The following DCAF4 variants were observed in gnomAD, a reference collection of about 807,000 sequenced individuals.
DCAF4 encodes DDB1- and CUL4-associated factor 4.
In DCAF4, 37 loss-of-function variants were observed where a neutral mutation model predicts 60.9. The ratio of observed to expected loss-of-function variants is 0.61; its 90% CI spans 0.47 to 0.80. The LOEUF (loss-of-function observed/expected upper bound fraction) is 0.80. DCAF4 is among the 30% of genes least tolerant of loss of function. DCAF4 has a pLI of 0.00. For missense variants in DCAF4, 577 were observed against 650.0 expected (o/e 0.89, Z 1.22); for synonymous variants, 243 against 254.8 (o/e 0.95, Z 0.44).
chr14:72,930,254 T>TTC (rs1555521582), intron 1 of DCAF4, among the ~76,000 whole-genome samples: 65 of 151,742 alleles, frequency 4.3e-4, no homozygotes, highest in African/African-American at 1.5e-3. Flanking sequence ...TTCTTTTTTT[T>TTC]TTTTGAGACG....
chr14:72,953,732 A>AAAAATATATATAT lies in DCAF4; in HGVS notation c.809-431_809-430insAAATATATATATA, dbSNP rs1555527852. ...CTTAAAAAAAAAAAAAAAAAAAAAA[A>AAAAATATATATAT]ATATATATATATATATATATATATA... On this transcript the variant is annotated intron_variant, in intron 9 of 13. Coordinates refer to ENST00000358377, the MANE Select transcript of DCAF4 (RefSeq NM_015604.4). 1.8e-4 allele frequency among the ~76,000 whole-genome samples: 4 copies of AAAAATATATATAT among 21,766 alleles called. 1 individual carries two copies. Among genetic ancestry groups the AAAAATATATATAT allele is most frequent in the Admixed American group, 8.0e-4 (1 of 1,254 alleles). 14.3% of individuals were successfully genotyped at this position (21,766 alleles called of 152,430 possible).
intron 13 of DCAF4, among the ~76,000 whole-genome samples, chr14:72,958,346 A>C (rs879379816): frequency 6.6e-6 from 1 of 152,224 alleles, no homozygotes; most frequent in Admixed American, 6.5e-5. Context: ...GTTCCGTGAC[A>C]TCAAGAGCAG....
intron 2 of DCAF4, 101 bp downstream of exon 2, chr14:72,938,171 T>C (rs1189066110): frequency 6.3e-6 from 9 of 1,437,864 alleles, no homozygotes; most frequent in Non-Finnish European, 8.3e-6. Context: ...ACCTGGGGGC[T>C]CGTCCCAATG....
intron 3 of DCAF4, 77 bp downstream of exon 3, chr14:72,939,979 A>G: frequency 7.1e-7 from 1 of 1,399,126 alleles, no homozygotes; most frequent in Non-Finnish European, 9.7e-7. Flanking sequence ...CTTGGAAGGA[A>G]TTCCAGGAGC....
chr14:72,951,230 C>T (rs1415342789), intron 8 of DCAF4, among the ~76,000 whole-genome samples: 1 of 152,106 alleles, frequency 6.6e-6, no homozygotes, highest in Non-Finnish European at 1.5e-5. Flanking sequence ...ATCCTCCTGC[C>T]TCAGCTTCCC....
chr14:72,941,946 T>C (rs960532781), intron 5 of DCAF4, 122 bp downstream of exon 5: 2 of 1,004,592 alleles, frequency 2.0e-6, no homozygotes, highest in African/African-American at 3.2e-5. Flanking sequence ...ACCTGCACAG[T>C]TGAGGGGCTC....
chr14:72,941,863 G>A (rs746221653), intron 5 of DCAF4, 39 bp downstream of exon 5: 1 of 1,593,364 alleles, frequency 6.3e-7, no homozygotes, highest in Non-Finnish European at 8.6e-7. Context: ...CTTCATGAAT[G>A]TTCTTTTCCT....
chr14:72,928,416 A>G (rs114804584), intron 1 of DCAF4, among the ~76,000 whole-genome samples: 2,882 of 149,128 alleles, frequency 0.019, 99 homozygotes, highest in African/African-American at 0.067. Flanking sequence ...ATGGTCTCAC[A>G]TATCTGCCGA....
rs541827626 is a variant in DCAF4, at chr14:72,950,795, A to C, written c.729-1003A>C. Among the ~76,000 whole-genome samples the C allele has an allele frequency of 2.4e-5, 3 of 126,988 alleles. No homozygotes were observed. In the East Asian group the frequency reaches 7.4e-4, roughly 31 times the overall value. The allele number at this position is 126,988 out of a possible 152,430, so 83.3% of individuals were successfully genotyped here. On this transcript the variant is annotated intron_variant, in intron 8 of 13. Coordinates refer to ENST00000358377, the MANE Select transcript of DCAF4 (RefSeq NM_015604.4). ...GGCTGGTAGTGAGATATTCCATGCA[A>C]TGCCATTTCTGTATGTTTTTTTTTA...
chr14:72,957,211 AAAAT>A (rs200357907), intron 13 of DCAF4: 2,509 of 152,346 alleles, frequency 0.016, 56 homozygotes, highest in East Asian at 0.047. Flanking sequence ...ACTCCGTCTC[AAAAT>A]AAATAAATAA....
chr14:72,929,697 C>G, intron 1 of DCAF4: 1 of 1,294,950 alleles, frequency 7.7e-7, no homozygotes, highest in Non-Finnish European at 1.1e-6. Context: ...GATGTGCGTC[C>G]CCACCCTTTT....
At chr14:72,953,228 G>A (rs904924224) in intron 9 of DCAF4, among the ~76,000 whole-genome samples, 3 of 149,962 alleles carry the variant, frequency 2.0e-5, no homozygotes, top group Non-Finnish European at 3.0e-5. Context: ...TCGAACTCCC[G>A]ACCTCAGGTG....
In DCAF4 at chr14:72,948,539, A is replaced by G. The variant is rs565889945; in HGVS notation, c.728+1348A>G. ...TCTAACCAGAGGGCTAAAGAGGCCA[A>G]GCTCTGCAGAAAGCAAAAACAAGAA... On this transcript the variant is annotated intron_variant, in intron 8 of 13. Coordinates refer to ENST00000358377, the MANE Select transcript of DCAF4 (RefSeq NM_015604.4). 2.0e-5 allele frequency among the ~76,000 whole-genome samples: 3 copies of G among 152,238 alleles called. No individual in the cohort carries two copies. The South Asian group carries it at 6.2e-4, about 31-fold the overall frequency.
At chr14:72,946,088 T>A in intron 7 of DCAF4, 61 bp downstream of exon 7, 4 of 1,597,922 alleles carry the variant, frequency 2.5e-6, no homozygotes, top group Non-Finnish European at 3.4e-6. Context: ...TTGGCCAAAT[T>A]CAGGGTAGAG....
intron 1 of DCAF4, among the ~76,000 whole-genome samples, chr14:72,934,595 G>A (rs1889016966): frequency 6.6e-6 from 1 of 152,134 alleles, no homozygotes; most frequent in Non-Finnish European, 1.5e-5. Context: ...GGGCTTGCCT[G>A]ACATTTTCAT....
chr14:72,952,360 G>A (rs1891529352), intron 9 of DCAF4, among the ~76,000 whole-genome samples: 1 of 152,202 alleles, frequency 6.6e-6, no homozygotes, highest in Admixed American at 6.5e-5. Flanking sequence ...ACGAATCCCA[G>A]CTCTGCCCCT....
At chr14:72,956,812 A>G in intron 13 of DCAF4, 2 of 332,936 alleles carry the variant, frequency 6.0e-6, no homozygotes, top group Non-Finnish European at 5.7e-6. Context: ...TCAGGCCAGC[A>G]TTATTCCACC....
At chr14:72,955,987 A>C (rs568850050) in intron 12 of DCAF4, among the ~76,000 whole-genome samples, 1 of 121,526 alleles carries the variant, frequency 8.2e-6, no homozygotes, top group Non-Finnish European at 1.6e-5. Flanking sequence ...CAGTGGTACT[A>C]TCTTGGCTTA....
At chr14:72,957,409 G>A (rs533726479) in intron 13 of DCAF4, 2 of 152,326 alleles carry the variant, frequency 1.3e-5, no homozygotes, top group South Asian at 4.1e-4. Context: ...AGTAGCTGCT[G>A]ACACTGCAGA....
Sources: allele counts gnomAD v4.1 joint callset (sites outside exome capture counted in the v4.1 genomes callset), GRCh38; gene constraint gnomAD v4.1.1; transcripts MANE v1.5; gene names NCBI Gene and HGNC (gene_info 2026-07-23, HGNC 2026-07-21).